The following RCAN2 variants were observed in gnomAD, a reference collection of about 807,000 sequenced individuals.
The protein encoded by RCAN2 is regulator of calcineurin 2, also known as calcipressin-2.
In RCAN2, 9 loss-of-function variants were observed where a neutral mutation model predicts 23.6. The ratio of observed to expected loss-of-function variants is 0.38; its 90% confidence interval spans 0.23 to 0.67. The LOEUF (loss-of-function observed/expected upper bound fraction) is 0.67. RCAN2 is among the 30% of genes least tolerant of loss of function. The pLI is 0.51. For synonymous variants in RCAN2, 109 were observed against 115.7 expected, an observed-to-expected ratio of 0.94 and a Z score of 0.37; for missense variants, 273 against 302.3, an observed-to-expected ratio of 0.90 and a Z score of 0.72.
chr6:46,274,899 G>C (rs1481592432), intron 2 of RCAN2, among the ~76,000 whole-genome samples: 1 of 152,176 alleles, frequency 6.6e-6, no homozygotes, highest in Non-Finnish European at 1.5e-5. Flanking sequence ...AAGATGGAGG[G>C]TAACCACGTG....
intron 4 of RCAN2, among the ~76,000 whole-genome samples, chr6:46,231,658 C>A (rs996259262): frequency 1.3e-5 from 2 of 152,170 alleles, no homozygotes; most frequent in Non-Finnish European, 2.9e-5. Context: ...GATCCACCCG[C>A]CTTGGCCTCC....
At chr6:46,341,678 A>G (rs1764322646) in intron 2 of RCAN2, among the ~76,000 whole-genome samples, 1 of 152,068 alleles carries the variant, frequency 6.6e-6, no homozygotes, top group Non-Finnish European at 1.5e-5. Context: ...GGCACCTGTA[A>G]TCCCAGCTAC....
rs1763105895 is a variant in RCAN2 at position 46,307,397 on chromosome 6, T to C, written c.226-58501A>G. ...AATCAAAGCCCTGGTGAGTTCAGGC[T>C]TCAAGGCTGAGTGAGTGTATGTAGC... is the stretch of plus-strand genomic sequence containing the variant. On this transcript the variant is annotated intron_variant, in intron 2 of 4. Coordinates refer to ENST00000371374, the MANE Select transcript of RCAN2 (RefSeq NM_001251974.2). Among the ~76,000 whole-genome samples, 3 of 152,182 alleles carry C rather than the reference T, an allele frequency of 2.0e-5. No homozygotes were observed. In the South Asian group the frequency reaches 6.2e-4, roughly 32 times the overall value.
intron 1 of RCAN2, among the ~76,000 whole-genome samples, chr6:46,469,262 A>T (rs1344368975): frequency 6.6e-6 from 1 of 152,192 alleles, no homozygotes; most frequent in East Asian, 1.9e-4. Flanking sequence ...GATGATCCGT[A>T]ATTAATCTCC....
chr6:46,444,632 T>A (rs1357891103), intron 2 of RCAN2, among the ~76,000 whole-genome samples: 1 of 151,966 alleles, frequency 6.6e-6, no homozygotes, highest in Non-Finnish European at 1.5e-5. Context: ...AAGACACAGG[T>A]TCTAAGATCC....
At chr6:46,367,139 G>T (rs1349619197) in intron 2 of RCAN2, among the ~76,000 whole-genome samples, 2 of 147,872 alleles carry the variant, frequency 1.4e-5, no homozygotes, top group African/African-American at 2.5e-5. Flanking sequence ...ACACAAGGGG[G>T]TGTCCCAGTT....
At chr6:46,422,090 G>T (rs996225813) in intron 2 of RCAN2, among the ~76,000 whole-genome samples, 1 of 152,080 alleles carries the variant, frequency 6.6e-6, no homozygotes, top group African/African-American at 2.4e-5. Flanking sequence ...TTGGAGGTGG[G>T]GCTTAATGGG....
chr6:46,305,355 A>G (rs1763028857), intron 2 of RCAN2, among the ~76,000 whole-genome samples: 1 of 152,092 alleles, frequency 6.6e-6, no homozygotes, highest in Admixed American at 6.6e-5. Context: ...AATCCAGCAG[A>G]TAGTCATCAT....
chr6:46,437,816 G>A (rs1767417428), intron 2 of RCAN2, among the ~76,000 whole-genome samples: 13 of 152,152 alleles, frequency 8.5e-5, no homozygotes, highest in Admixed American at 8.5e-4. Flanking sequence ...AAAGCATGGA[G>A]CTGCCTAAAA....
At chr6:46,489,094 A>C (rs1315233682) in intron 1 of RCAN2, among the ~76,000 whole-genome samples, 3 of 152,174 alleles carry the variant, frequency 2.0e-5, no homozygotes, top group African/African-American at 7.2e-5. Flanking sequence ...CTTCCCTCAG[A>C]ACATGTAGGT....
At chr6:46,331,291 T>C in intron 2 of RCAN2, among the ~76,000 whole-genome samples, 1 of 152,142 alleles carries the variant, frequency 6.6e-6, no homozygotes. Flanking sequence ...GATTACAGGC[T>C]TGAGACACTG....
At position 46,367,978 on chromosome 6, in the gene RCAN2, G is replaced by T. The variant is rs564615156; in HGVS notation, c.225+88774C>A. ...TCTCTGCTCTAAATTATATATAATG[G>T]CCAGCTATATCATTTAGGAGCTGTT... On this transcript the variant is annotated intron_variant, in intron 2 of 4. Transcript: ENST00000371374. Among the ~76,000 whole-genome samples the T allele has an allele frequency of 6.6e-5, 10 of 152,198 alleles. No homozygotes were observed. The East Asian group carries it at 1.9e-3, about 29-fold the overall frequency.
rs1765458914 is a variant in RCAN2, at chr6:46,221,014, A to T, written c.*2127T>A. On this transcript the variant is annotated 3_prime_UTR_variant, in exon 5 of 5. Transcript: ENST00000371374. ...TTTCCCCCCTCCCCAAACCCAACCTAGTGAAAGAATTACTTGATCTGAGAC... is the reference window on the plus strand; with the variant it reads ...TTTCCCCCCTCCCCAAACCCAACCTTGTGAAAGAATTACTTGATCTGAGAC... 1 of 152,356 alleles carries T rather than the reference A, an allele frequency of 6.6e-6. No homozygotes were observed. The highest frequency in any genetic ancestry group is 1.5e-5 in the Non-Finnish European group (1 of 68,000). 9.4% of individuals were successfully genotyped at this position (152,356 alleles called of 1,614,324 possible).
intron 2 of RCAN2, among the ~76,000 whole-genome samples, chr6:46,451,195 A>G (rs960284348): frequency 5.3e-5 from 8 of 152,040 alleles, no homozygotes; most frequent in Non-Finnish European, 1.0e-4. Flanking sequence ...ATGTAGATTC[A>G]TTTTTATGTT....
chr6:46,410,423 C>A (rs74792262), intron 2 of RCAN2, among the ~76,000 whole-genome samples: 1 of 152,154 alleles, frequency 6.6e-6, no homozygotes, highest in Non-Finnish European at 1.5e-5. Flanking sequence ...TATTTTCAAT[C>A]GTACATTTGA....
chr6:46,253,043 AAT>A (rs763224135), intron 2 of RCAN2, among the ~76,000 whole-genome samples: 3 of 152,220 alleles, frequency 2.0e-5, no homozygotes, highest in Non-Finnish European at 4.4e-5. Context: ...ATGATTTCAT[AAT>A]AGTGTACATT....
chr6:46,462,787 A>T (rs1050999476), intron 1 of RCAN2, among the ~76,000 whole-genome samples: 1 of 152,212 alleles, frequency 6.6e-6, no homozygotes, highest in African/African-American at 2.4e-5. Context: ...ATTCTGCTGG[A>T]TATCATTATT....
intron 4 of RCAN2, among the ~76,000 whole-genome samples, chr6:46,242,416 C>A (rs923089337): frequency 1.3e-5 from 2 of 152,174 alleles, no homozygotes; most frequent in Admixed American, 1.3e-4. Flanking sequence ...TGACTTAGCC[C>A]GAGTCCCATC....
At chr6:46,342,824 A>G (rs1764371696) in intron 2 of RCAN2, among the ~76,000 whole-genome samples, 1 of 152,058 alleles carries the variant, frequency 6.6e-6, no homozygotes, top group South Asian at 2.1e-4. Flanking sequence ...AGAATAATGG[A>G]TCAGAATCCC....
Sources: allele counts gnomAD v4.1 joint callset (sites outside exome capture counted in the v4.1 genomes callset), GRCh38; gene constraint gnomAD v4.1.1; transcripts MANE v1.5; gene names NCBI Gene and HGNC (gene_info 2026-07-23, HGNC 2026-07-21).